OR51M1: variants seen among roughly 807,000 people sequenced by gnomAD.
OR51M1 encodes olfactory receptor 51M1.
For missense variants in OR51M1, 509 were observed against 404.4 expected (o/e 1.26, Z -2.22); for synonymous variants, 199 against 155.1 (o/e 1.28, Z -2.10).
At position 5,390,010 on chromosome 11, in the gene OR51M1, C is replaced by T. The variant is rs1849768967; in HGVS notation, c.612C>T (p.Ile204=). 1.9e-6 allele frequency: 3 copies of T among 1,613,326 alleles called. No individual in the cohort carries two copies. Among genetic ancestry groups the T allele is most frequent in the East Asian group, 4.5e-5 (2 of 44,882 alleles). Residue 204 remains isoleucine (I), a synonymous_variant, in exon 3 of 3, where the codon ATC becomes ATT. Transcript: ENST00000642046. ...TGATACAGCTGGCCTGCACAGATAT[C>T]ACCTTCAATAATCTGTATGGACTGA... ...QEVIQLACTD[I]TFNNLYGLMV...
At chr11:5,385,827 A>G (rs1052645784) in intron 2 of OR51M1, among the ~76,000 whole-genome samples, 1 of 148,778 alleles carries the variant, frequency 6.7e-6, no homozygotes, top group African/African-American at 2.4e-5. Flanking sequence ...TATATAAAGA[A>G]TATATAATGT....
intron 2 of OR51M1, among the ~76,000 whole-genome samples, chr11:5,385,958 A>G (rs1276191517): frequency 6.8e-6 from 1 of 146,558 alleles, no homozygotes; most frequent in Non-Finnish European, 1.5e-5. Context: ...ATATATATCA[A>G]TAAGTATATA....
At chr11:5,389,352 A>G in intron 2 of OR51M1, 32 bp from the exon 3 acceptor site, 1 of 1,569,784 alleles carries the variant, frequency 6.4e-7, no homozygotes. Context: ...AAGCTGAAGA[A>G]TTAATAACCA....
rs777738329 is a variant in OR51M1 at position 5,389,406 on chromosome 11, T to G, written c.8T>G (p.Val3Gly). 8 of 1,612,092 alleles carry G rather than the reference T, an allele frequency of 5.0e-6. No individual in the cohort carries two copies. In the Admixed American group the frequency reaches 1.0e-4, roughly 20 times the overall value. Reference protein sequence around the residue: MSVQYSLSPQFML... With the variant: MSGQYSLSPQFML... ...CAGCTCAATCCCCGAGGAATGTCAG[T>G]CCAATATTCGCTCAGTCCTCAATTC... The change falls in exon 3 of 3, where the codon GTC becomes GGC. Residue 3 changes from valine to glycine, a missense_variant. Physicochemically the swap from Val to Gly is moderately radical, Grantham distance 109. Coordinates refer to ENST00000642046, the MANE Select transcript of OR51M1 (RefSeq NM_001004756.3).
In OR51M1 at chr11:5,390,013, C is replaced by T; in HGVS notation, c.615C>T (p.Thr205=). 1.2e-6 allele frequency: 2 copies of T among 1,613,414 alleles called. No individual in the cohort carries two copies. Among genetic ancestry groups the T allele is most frequent in the African/African-American group, 1.3e-5 (1 of 75,046 alleles). The change falls in exon 3 of 3, where the codon ACC becomes ACT. Residue 205 remains threonine (T), a synonymous_variant. Transcript: ENST00000642046. ...TACAGCTGGCCTGCACAGATATCAC[C>T]TTCAATAATCTGTATGGACTGATGG... is the stretch of plus-strand genomic sequence containing the variant. ...EVIQLACTDI[T]FNNLYGLMVV...
In OR51M1 at chr11:5,389,573, A is replaced by T. The variant is rs1564796939; in HGVS notation, c.175A>T (p.Ile59Phe). 1 of 1,613,706 alleles carries T rather than the reference A, an allele frequency of 6.2e-7. No homozygotes were observed. Among genetic ancestry groups the T allele is most frequent in the Non-Finnish European group, 8.5e-7 (1 of 1,179,834 alleles). ...VAISGNCFIL[I>F]IIKTNPRLHT... The stretch of plus-strand genomic sequence containing the variant: ...CATCTCAGGCAATTGTTTCATTCTG[A>T]TCATTATTAAGACCAACCCTCGTCT... Residue 59 changes from isoleucine (I) to phenylalanine (F), a missense_variant, in exon 3 of 3, where the codon ATC (isoleucine) becomes TTC (phenylalanine). Ile to Phe is a conservative substitution (Grantham distance 21). Transcript: ENST00000642046.
Position 5,390,866 on chromosome 11 carries a change from A to C in OR51M1, c.*487A>C. The C allele has an allele frequency of 6.5e-6, 1 of 154,824 alleles. No individual in the cohort carries two copies. The highest frequency in any genetic ancestry group is 1.4e-5 in the Non-Finnish European group (1 of 69,986). The allele number at this position is 154,824 out of a possible 1,614,324, so 9.6% of individuals were successfully genotyped here. A position where few individuals can be genotyped will look rare whatever the true frequency, so the allele number is the denominator to read the frequency against. Reference sequence around the variant, plus strand: ...TATCCTGGTCAGCAGTAACTTTCAGACCCCCAAGTCACATCAGAAACCTCA... The same window carrying C: ...TATCCTGGTCAGCAGTAACTTTCAGCCCCCCAAGTCACATCAGAAACCTCA... On this transcript the variant is annotated 3_prime_UTR_variant, in exon 3 of 3. Coordinates refer to ENST00000642046, the MANE Select transcript of OR51M1 (RefSeq NM_001004756.3).
In OR51M1 at chr11:5,389,844, C is replaced by T; in HGVS notation, c.446C>T (p.Thr149Ile). The T allele has an allele frequency of 6.2e-7, 1 of 1,613,948 alleles. No individual in the cohort carries two copies. Residue 149 changes from threonine (T) to isoleucine (I), a missense_variant, in exon 3 of 3, where the codon ACT becomes ATT. Physicochemically the swap from Thr to Ile is moderately conservative, Grantham distance 89. Transcript: ENST00000642046. ...CHPLRYSVII[T>I]GQQVVRAGLI... ...CCTCTGAGGTATTCGGTCATTATCA[C>T]TGGCCAGCAAGTGGTCAGAGCAGGC...
At position 5,390,103 on chromosome 11, in the gene OR51M1, C is replaced by T; in HGVS notation, c.705C>T (p.His235=). 1.2e-6 allele frequency: 2 copies of T among 1,613,768 alleles called. No homozygotes were observed. The highest frequency in any genetic ancestry group is 1.3e-5 in the African/African-American group (1 of 75,046). Residue 235 remains histidine, a synonymous_variant, in exon 3 of 3, where the codon CAC becomes CAT. Transcript: ENST00000642046. The part of the protein sequence containing the change: ...LIALSYGLIL[H]TVAGLASQEE... ...CACTGTCCTATGGACTCATCCTGCA[C>T]ACAGTAGCAGGCCTGGCCTCCCAAG... is the stretch of plus-strand genomic sequence containing the variant.
chr11:5,391,760 C>T lies in OR51M1; in HGVS notation c.*1381C>T, dbSNP rs1320060134. 1.3e-5 allele frequency: 1 copy of T among 79,526 alleles called. No homozygotes were observed. The highest frequency in any genetic ancestry group is 2.8e-5 in the Non-Finnish European group (1 of 35,694). The allele number at this position is 79,526 out of a possible 1,614,324, so 4.9% of individuals were successfully genotyped here. ...ATTACCATGAGGCCAGGCACGGTGG[C>T]TTATGCTATAATCCCAGCACTTTGG... is the stretch of plus-strand genomic sequence containing the variant. On this transcript the variant is annotated 3_prime_UTR_variant, in exon 3 of 3. Coordinates refer to ENST00000642046, the MANE Select transcript of OR51M1 (RefSeq NM_001004756.3).
Position 5,390,418 on chromosome 11 carries a change from G to T in OR51M1, c.*39G>T, listed in dbSNP as rs1290800152. On this transcript the variant is annotated 3_prime_UTR_variant, in exon 3 of 3. Coordinates refer to ENST00000642046, the MANE Select transcript of OR51M1 (RefSeq NM_001004756.3). ...AACTCCCCCTAGAGGCCTATAAGAAGGCCCCAAATTGGACTGAAAATTTGG... is the reference window on the plus strand; with the variant it reads ...AACTCCCCCTAGAGGCCTATAAGAATGCCCCAAATTGGACTGAAAATTTGG... 1 of 1,503,312 alleles carries T rather than the reference G, an allele frequency of 6.7e-7. No individual in the cohort carries two copies. Among genetic ancestry groups the T allele is most frequent in the South Asian group, 1.3e-5 (1 of 76,070 alleles). 93.1% of individuals were successfully genotyped at this position (1,503,312 alleles called of 1,614,324 possible).
chr11:5,391,044 T>A lies in OR51M1; in HGVS notation c.*665T>A, dbSNP rs1298395658. 6.6e-6 allele frequency: 1 copy of A among 152,262 alleles called. No homozygotes were observed. Among genetic ancestry groups the A allele is most frequent in the Non-Finnish European group, 1.5e-5 (1 of 68,068 alleles). 9.4% of individuals were successfully genotyped at this position (152,262 alleles called of 1,614,324 possible). On this transcript the variant is annotated 3_prime_UTR_variant, in exon 3 of 3. Coordinates refer to ENST00000642046, the MANE Select transcript of OR51M1 (RefSeq NM_001004756.3). ...TCTGATTTTACCTTACAACCTCAAG[T>A]CTGACATTAAGCTACAGTCAGTATT...
chr11:5,385,714 A>ATAGGTATAAG (rs150579480), intron 2 of OR51M1, among the ~76,000 whole-genome samples: 1 of 150,556 alleles, frequency 6.6e-6, no homozygotes, highest in Admixed American at 6.6e-5. Context: ...CAAAGTATAT[A>ATAGGTATAAG]TATGTGTACA....
rs747384232 is a variant in OR51M1, at chr11:5,390,360, T to C, written c.962T>C (p.Leu321Pro). 1.9e-6 allele frequency: 3 copies of C among 1,602,106 alleles called. No individual in the cohort carries two copies. The highest frequency in any genetic ancestry group is 3.4e-5 in the Admixed American group (2 of 58,246). ...IHRAIIKFLG[L>P]KKASK ...CGTGCCATTATCAAGTTCCTAGGTC[T>C]TAAAAAGGCCAGTAAATGAGTCCTG... is the stretch of plus-strand genomic sequence containing the variant. The change falls in exon 3 of 3, where the codon CTT (leucine) becomes CCT (proline). Residue 321 changes from leucine to proline, a missense_variant. Physicochemically the swap from Leu to Pro is moderately conservative, Grantham distance 98. Coordinates refer to ENST00000642046, the MANE Select transcript of OR51M1 (RefSeq NM_001004756.3).
At chr11:5,389,297 G>C (rs959186970) in intron 2 of OR51M1, 87 bp from the exon 3 acceptor site, 56 of 1,111,888 alleles carry the variant, frequency 5.0e-5, no homozygotes, top group Middle Eastern at 4.1e-4. Context: ...AATACTAAAG[G>C]TGATGATGAC....
In OR51M1 at chr11:5,389,934, CCTA is replaced by C; in HGVS notation, c.539_541del (p.Tyr180del). 6.2e-7 allele frequency: 1 copy of C among 1,611,334 alleles called. No homozygotes were observed. The highest frequency in any genetic ancestry group is 8.5e-7 in the Non-Finnish European group (1 of 1,179,882). Reference sequence around the variant, plus strand: ...ATTGTCCTCCTCCTGAAGGCTTTTCCCTACTGTGGATCTGTGGTCCTCTCCCAC... The same window carrying C: ...ATTGTCCTCCTCCTGAAGGCTTTTCCCTGTGGATCTGTGGTCCTCTCCCAC... On this transcript the variant is annotated inframe_deletion, in exon 3 of 3. Transcript: ENST00000642046.
chr11:5,385,839 T>A lies in OR51M1; in HGVS notation c.-16+381T>A, dbSNP rs149591589. On this transcript the variant is annotated intron_variant, in intron 2 of 2. Coordinates refer to ENST00000642046, the MANE Select transcript of OR51M1 (RefSeq NM_001004756.3). Reference sequence around the variant, plus strand: ...AAGTATATAAAGAATATATAATGTATATACTAAAATGTATATTCTATAAAG... The same window carrying A: ...AAGTATATAAAGAATATATAATGTAAATACTAAAATGTATATTCTATAAAG... Among the ~76,000 whole-genome samples, 465 of 147,918 alleles carry A rather than the reference T, an allele frequency of 3.1e-3. 5 individuals carry two copies. Among genetic ancestry groups the A allele is most frequent in the African/African-American group, 0.011 (433 of 40,688 alleles).
intron 2 of OR51M1, among the ~76,000 whole-genome samples, chr11:5,387,069 T>C (rs1849706225): frequency 6.6e-6 from 1 of 152,034 alleles, no homozygotes. Flanking sequence ...CACCACTGTA[T>C]AAGTAATAAT....
chr11:5,392,184 T>A lies in OR51M1; in HGVS notation c.*1805T>A, dbSNP rs780471536. The A allele has an allele frequency of 6.6e-6, 1 of 152,272 alleles. No homozygotes were observed. Among genetic ancestry groups the A allele is most frequent in the Non-Finnish European group, 1.5e-5 (1 of 68,046 alleles). The allele number at this position is 152,272 out of a possible 1,614,324, so 9.4% of individuals were successfully genotyped here. A position where few individuals can be genotyped will look rare whatever the true frequency, so the allele number is the denominator to read the frequency against. ...GTTTGTGTGGTATCTCATGTTTGTA[T>A]GTGTGGGTGTTATCAGACTCTCAGG... On this transcript the variant is annotated 3_prime_UTR_variant, in exon 3 of 3. Coordinates refer to ENST00000642046, the MANE Select transcript of OR51M1 (RefSeq NM_001004756.3).
Sources: allele counts gnomAD v4.1 joint callset (sites outside exome capture counted in the v4.1 genomes callset), GRCh38; gene constraint gnomAD v4.1.1; transcripts MANE v1.5; gene names NCBI Gene and HGNC (gene_info 2026-07-23, HGNC 2026-07-21).